KRABD5: variants seen among roughly 807,000 people sequenced by gnomAD.
The protein encoded by KRABD5 is KRAB domain containing 5.
At chr16:31,758,933 TA>T in the KRABD5 span, 1 of 154,434 alleles carries the variant, frequency 6.5e-6, no homozygotes, top group African/African-American at 2.4e-5. Flanking sequence ...TTGTAAAATT[TA>T]TAACACATGG....
the KRABD5 span, among the ~76,000 whole-genome samples, chr16:31,750,548 A>G: frequency 6.6e-6 from 1 of 152,044 alleles, no homozygotes; most frequent in African/African-American, 2.4e-5. Context: ...TCTGGCTAGT[A>G]CTTCCATTAC....
At chr16:31,742,821 C>G in the KRABD5 span, among the ~76,000 whole-genome samples, 1 of 152,136 alleles carries the variant, frequency 6.6e-6, no homozygotes, top group African/African-American at 2.4e-5. Context: ...TGGCCAGCAT[C>G]TGTTGTTTCT....
the KRABD5 span, among the ~76,000 whole-genome samples, chr16:31,748,895 G>T: frequency 3.3e-4 from 50 of 152,292 alleles, no homozygotes; most frequent in African/African-American, 1.2e-3. Context: ...GATTGCCCTT[G>T]TATAGGGTGT....
chr16:31,742,479 A>G, the KRABD5 span, among the ~76,000 whole-genome samples: 1 of 152,198 alleles, frequency 6.6e-6, no homozygotes, highest in African/African-American at 2.4e-5. Flanking sequence ...CGTCCCTGCA[A>G]AGGACATGAT....
At chr16:31,713,648 A>G in the KRABD5 span, 2 of 645,632 alleles carry the variant, frequency 3.1e-6, no homozygotes, top group Non-Finnish European at 5.2e-6. Context: ...GACCTCTGCC[A>G]TGGCCGGAGC....
the KRABD5 span, among the ~76,000 whole-genome samples, chr16:31,751,078 A>T: frequency 6.6e-6 from 1 of 152,186 alleles, no homozygotes; most frequent in Admixed American, 6.5e-5. Context: ...TTGATTCTAT[A>T]TGGTGAATCA....
At chr16:31,736,965 T>C in the KRABD5 span, among the ~76,000 whole-genome samples, 1 of 152,252 alleles carries the variant, frequency 6.6e-6, no homozygotes, top group Non-Finnish European at 1.5e-5. Context: ...ATGTTAATTT[T>C]TTATAGTTAT....
chr16:31,759,323 A>T, the KRABD5 span: 1 of 1,533,198 alleles, frequency 6.5e-7, no homozygotes. Flanking sequence ...TTGGACACAA[A>T]ATTGTACTTT....
the KRABD5 span, among the ~76,000 whole-genome samples, chr16:31,721,273 A>G: frequency 6.6e-6 from 1 of 152,062 alleles, no homozygotes; most frequent in African/African-American, 2.4e-5. Context: ...TATAGTTACC[A>G]TTTCTATGTA....
chr16:31,727,208 C>T, the KRABD5 span, among the ~76,000 whole-genome samples: 3 of 152,276 alleles, frequency 2.0e-5, no homozygotes, highest in East Asian at 3.9e-4. Flanking sequence ...TATATAAAAT[C>T]ACCTAATCTG....
At chr16:31,743,110 C>T in the KRABD5 span, among the ~76,000 whole-genome samples, 1 of 150,374 alleles carries the variant, frequency 6.7e-6, no homozygotes, top group Admixed American at 6.6e-5. Flanking sequence ...TGTAGGTAAC[C>T]AGGCTTTTAG....
the KRABD5 span, among the ~76,000 whole-genome samples, chr16:31,733,179 A>G: frequency 6.6e-6 from 1 of 152,144 alleles, no homozygotes; most frequent in Non-Finnish European, 1.5e-5. Flanking sequence ...ATTCATCTGT[A>G]TAAATATTGC....
the KRABD5 span, chr16:31,754,282 A>T: frequency 1.6e-6 from 1 of 627,278 alleles, no homozygotes; most frequent in Non-Finnish European, 2.8e-6. Context: ...TTCACCAACA[A>T]ATAACACCTC....
chr16:31,750,166 T>G, the KRABD5 span, among the ~76,000 whole-genome samples: 166 of 152,346 alleles, frequency 1.1e-3, 1 homozygote, highest in African/African-American at 3.9e-3. Context: ...TCTTTGAGCA[T>G]GGAATGTTTT....
the KRABD5 span, among the ~76,000 whole-genome samples, chr16:31,744,222 C>A: frequency 6.6e-6 from 1 of 152,162 alleles, no homozygotes; most frequent in South Asian, 2.1e-4. Context: ...GGGAATACTT[C>A]CAGCTTTTGC....
chr16:31,713,564 C>T, the KRABD5 span: 4 of 1,347,514 alleles, frequency 3.0e-6, no homozygotes, highest in Admixed American at 5.5e-5. Context: ...CCCTTGGTCC[C>T]CTCCGCCGCA....
the KRABD5 span, chr16:31,713,289 CTT>C: frequency 1.7e-6 from 2 of 1,193,202 alleles, no homozygotes; most frequent in Non-Finnish European, 1.2e-6. Context: ...AGCTCAGTCT[CTT>C]CACCAGGGGC....
At chr16:31,727,265 T>C in the KRABD5 span, among the ~76,000 whole-genome samples, 12 of 152,362 alleles carry the variant, frequency 7.9e-5, no homozygotes, top group Admixed American at 7.8e-4. Context: ...GAGTGCCTTT[T>C]ATTTCTTTTT....
At chr16:31,734,426 A>C in the KRABD5 span, among the ~76,000 whole-genome samples, 3 of 151,830 alleles carry the variant, frequency 2.0e-5, no homozygotes, top group Non-Finnish European at 4.4e-5. Context: ...AATTTTAAAA[A>C]ATTTTTGCAG....
Sources: gnomAD v4.1 joint callset for allele counts (sites outside exome capture counted in the v4.1 genomes callset) on GRCh38, gnomAD v4.1.1 for gene constraint, MANE v1.5 for transcripts, NCBI Gene and HGNC (gene_info 2026-07-23, HGNC 2026-07-21) for gene names.